DAAM2: variants seen among roughly 807,000 people sequenced by gnomAD.
DAAM2 encodes the protein disheveled-associated activator of morphogenesis 2.
In DAAM2, 39 loss-of-function variants were observed where a neutral mutation model predicts 120.7. The observed-to-expected ratio is 0.32, with a 90% confidence interval of 0.25 to 0.42. DAAM2 has a LOEUF of 0.42. Among genes scored for constraint, DAAM2 ranks in the 10% least tolerant of loss-of-function variants. The pLI is 1.00. For missense variants in DAAM2, 1,283 were observed against 1,401.7 expected, an observed-to-expected ratio of 0.92 and a Z score of 1.35; for synonymous variants, 488 against 524.9, an observed-to-expected ratio of 0.93 and a Z score of 0.96.
chr6:39,804,522 C>CTCTG, intron 1 of DAAM2, among the ~76,000 whole-genome samples: 1 of 149,452 alleles, frequency 6.7e-6, no homozygotes. Context: ...GAGATCAGTT[C>CTCTG]TGTGTGTGTG....
intron 1 of DAAM2, among the ~76,000 whole-genome samples, chr6:39,799,701 T>A (rs181541221): frequency 1.4e-4 from 21 of 152,358 alleles, no homozygotes; most frequent in African/African-American, 4.6e-4. Context: ...CAGGTCATTT[T>A]AAAAAATATA....
chr6:39,864,538 C>T, intron 4 of DAAM2, 31 bp downstream of exon 4: 2 of 1,578,004 alleles, frequency 1.3e-6, no homozygotes, highest in Non-Finnish European at 8.6e-7. Flanking sequence ...TGCCCTGCCC[C>T]CACCTGGAAA....
intron 9 of DAAM2, among the ~76,000 whole-genome samples, chr6:39,873,028 G>T (rs1056946097): frequency 2.0e-5 from 3 of 152,178 alleles, no homozygotes; most frequent in Admixed American, 1.3e-4. Context: ...GACCCAAGAT[G>T]CCAATAGTGC....
intron 1 of DAAM2, chr6:39,823,089 G>A (rs574667781): frequency 1.3e-5 from 2 of 152,146 alleles, no homozygotes; most frequent in Non-Finnish European, 2.9e-5. Context: ...ATTGGCATGC[G>A]ATTTTAGTCC....
intron 1 of DAAM2, among the ~76,000 whole-genome samples, chr6:39,829,235 T>C (rs1446665605): frequency 6.6e-6 from 1 of 152,132 alleles, no homozygotes. Context: ...CCACACAGGG[T>C]GTGTGGATGG....
At chr6:39,847,835 C>T (rs1049301534) in intron 1 of DAAM2, among the ~76,000 whole-genome samples, 11 of 152,242 alleles carry the variant, frequency 7.2e-5, no homozygotes, top group African/African-American at 2.6e-4. Flanking sequence ...TAATCTCAGA[C>T]CTCACAAACT....
At chr6:39,840,181 C>T (rs919858992) in intron 1 of DAAM2, among the ~76,000 whole-genome samples, 3 of 152,090 alleles carry the variant, frequency 2.0e-5, no homozygotes, top group East Asian at 1.9e-4. Flanking sequence ...GAGCGAAGAT[C>T]GCACCACAGC....
intron 1 of DAAM2, among the ~76,000 whole-genome samples, chr6:39,815,798 A>G (rs1029503638): frequency 6.6e-6 from 1 of 152,222 alleles, no homozygotes; most frequent in Non-Finnish European, 1.5e-5. Flanking sequence ...ATTCTAAAAT[A>G]GATTGGCCAA....
At chr6:39,800,787 C>T (rs974441077) in intron 1 of DAAM2, among the ~76,000 whole-genome samples, 2 of 152,222 alleles carry the variant, frequency 1.3e-5, no homozygotes, top group African/African-American at 4.8e-5. Context: ...TCAGGGCTCC[C>T]TGTGGGTTTG....
intron 5 of DAAM2, among the ~76,000 whole-genome samples, chr6:39,866,343 A>G (rs527836199): frequency 2.3e-4 from 35 of 152,314 alleles, no homozygotes; most frequent in Admixed American, 6.5e-4. Flanking sequence ...TGGAATGCAG[A>G]CAAGCATAAA....
chr6:39,856,263 A>T lies in DAAM2; in HGVS notation c.-40A>T. 3 of 1,436,126 alleles carry T rather than the reference A, an allele frequency of 2.1e-6. No individual in the cohort carries two copies. Among genetic ancestry groups the T allele is most frequent in the Non-Finnish European group, 2.7e-6 (3 of 1,092,914 alleles). 89.0% of individuals were successfully genotyped at this position (1,436,126 alleles called of 1,614,324 possible). ...CTTGTCCAGATCACAATGAGGACCT[A>T]GGGCATCTGTCTGCTGACGCCCCCT... On this transcript the variant is annotated 5_prime_UTR_variant, in exon 2 of 25. An upstream open reading frame in the 5' UTR loses its in-frame stop. Coordinates refer to ENST00000274867, the MANE Select transcript of DAAM2 (RefSeq NM_001201427.2).
chr6:39,869,395 G>A (rs1441872874), intron 7 of DAAM2, among the ~76,000 whole-genome samples: 1 of 152,082 alleles, frequency 6.6e-6, no homozygotes. Flanking sequence ...GACCAGTCTG[G>A]TCAACAGGGT....
chr6:39,825,917 C>A (rs990036043), intron 1 of DAAM2, among the ~76,000 whole-genome samples: 1 of 152,202 alleles, frequency 6.6e-6, no homozygotes, highest in African/African-American at 2.4e-5. Flanking sequence ...AATGGCCCAG[C>A]ACACATTATT....
intron 1 of DAAM2, among the ~76,000 whole-genome samples, chr6:39,802,204 CT>C (rs2114009829): frequency 6.6e-6 from 1 of 152,320 alleles, no homozygotes; most frequent in South Asian, 2.1e-4. Context: ...ATGTCTGTGG[CT>C]GCCTAAATGG....
intron 1 of DAAM2, among the ~76,000 whole-genome samples, chr6:39,834,280 TCCC>T (rs1252497212): frequency 2.6e-5 from 4 of 152,190 alleles, no homozygotes; most frequent in African/African-American, 9.7e-5. Context: ...GTTTTCAAAT[TCCC>T]CCATTTGTAT....
intron 1 of DAAM2, among the ~76,000 whole-genome samples, chr6:39,835,182 G>A (rs576892168): frequency 6.6e-5 from 10 of 152,346 alleles, no homozygotes; most frequent in African/African-American, 1.9e-4. Context: ...GGTTGACATA[G>A]TCATTAAGCT....
In DAAM2 at chr6:39,840,487, C is replaced by T. The variant is rs140074781; in HGVS notation, c.-56-15760C>T. 8.6e-3 allele frequency among the ~76,000 whole-genome samples: 1,315 copies of T among 152,170 alleles called. 6 individuals carry two copies. The highest frequency in any genetic ancestry group is 0.013 in the Non-Finnish European group (888 of 68,008). ...AAGATGCTTCTCTGTCTTTGAAGTT[C>T]GGGGTGGTCCGAAGGGGGAAGGAAA... On this transcript the variant is annotated intron_variant, in intron 1 of 24. Transcript: ENST00000274867.
chr6:39,865,909 T>C (rs2149303961), intron 5 of DAAM2, among the ~76,000 whole-genome samples: 1 of 152,368 alleles, frequency 6.6e-6, no homozygotes. Context: ...ATGGAAACAC[T>C]ATGAAATATG....
At chr6:39,843,450 T>C (rs1278826535) in intron 1 of DAAM2, among the ~76,000 whole-genome samples, 1 of 152,098 alleles carries the variant, frequency 6.6e-6, no homozygotes, top group East Asian at 1.9e-4. Context: ...ATTCAGGGAC[T>C]GTGGGTGACA....
Sources: gnomAD v4.1 joint callset for allele counts (sites outside exome capture counted in the v4.1 genomes callset) on GRCh38, gnomAD v4.1.1 for gene constraint, MANE v1.5 for transcripts, NCBI Gene and HGNC (gene_info 2026-07-23, HGNC 2026-07-21) for gene names.